The following TENM4 variants were observed in gnomAD, a reference collection of about 807,000 sequenced individuals.
The protein encoded by TENM4 is teneurin transmembrane protein 4.
TENM4 carries 82 observed loss-of-function variants against 243.3 expected under a neutral mutation model. That is an observed-to-expected ratio of 0.34 (90% confidence interval 0.28 to 0.40). The LOEUF (loss-of-function observed/expected upper bound fraction) is 0.40, where lower values mean the gene tolerates loss of function less well. TENM4 is among the 10% of genes least tolerant of loss of function. The pLI is 1.00. For missense variants in TENM4, 3,138 were observed against 3,673.3 expected (o/e 0.85, Z 3.77); for synonymous variants, 1,412 against 1,456.3 (o/e 0.97, Z 0.69).
intron 1 of TENM4, among the ~76,000 whole-genome samples, chr11:79,390,630 A>T (rs1395185437): frequency 6.6e-6 from 1 of 152,062 alleles, no homozygotes; most frequent in Non-Finnish European, 1.5e-5. Flanking sequence ...GTCCTCCTCA[A>T]CATGCTGGCA....
chr11:78,999,343 C>A (rs756903877), intron 6 of TENM4, among the ~76,000 whole-genome samples: 160 of 152,146 alleles, frequency 1.1e-3, no homozygotes, highest in Admixed American at 2.7e-3. Flanking sequence ...GAAACCCTGT[C>A]TCTACTAAAA....
intron 1 of TENM4, among the ~76,000 whole-genome samples, chr11:79,344,787 C>T (rs920254046): frequency 4.6e-5 from 7 of 152,188 alleles, no homozygotes; most frequent in Admixed American, 6.5e-5. Flanking sequence ...AAATTTTCTA[C>T]CTAAATTGCC....
chr11:79,407,115 C>T (rs987482839), intron 1 of TENM4, among the ~76,000 whole-genome samples: 9 of 152,056 alleles, frequency 5.9e-5, no homozygotes, highest in Non-Finnish European at 1.0e-4. Context: ...CATTGCTCCA[C>T]GAATATGTAT....
At chr11:78,958,988 C>T (rs1454968994) in intron 6 of TENM4, among the ~76,000 whole-genome samples, 1 of 152,192 alleles carries the variant, frequency 6.6e-6, no homozygotes, top group Non-Finnish European at 1.5e-5. Context: ...AAGGTTTTCT[C>T]CCATTTCACA....
intron 3 of TENM4, among the ~76,000 whole-genome samples, chr11:79,212,100 A>G (rs1244547206): frequency 1.3e-5 from 2 of 152,226 alleles, no homozygotes; most frequent in Non-Finnish European, 2.9e-5. Context: ...CTTGGTAGCC[A>G]TAACTCTAAT....
Position 78,745,172 on chromosome 11 carries a change from T to A in TENM4, c.2757-6602A>T, listed in dbSNP as rs573302087. 2.8e-4 allele frequency among the ~76,000 whole-genome samples: 42 copies of A among 151,846 alleles called. No individual in the cohort carries two copies. The Middle Eastern group carries it at 0.01, about 37-fold the overall frequency. ...TATACTATTACATCATAATACACAA[T>A]AATACACAACAAACCAGTGTGGGTC... On this transcript the variant is annotated intron_variant, in intron 19 of 33. Coordinates refer to ENST00000278550, the MANE Select transcript of TENM4 (RefSeq NM_001098816.3).
At chr11:78,990,954 G>C (rs1298280858) in intron 6 of TENM4, among the ~76,000 whole-genome samples, 4 of 152,176 alleles carry the variant, frequency 2.6e-5, no homozygotes, top group African/African-American at 9.7e-5. Flanking sequence ...ATAATGTTCT[G>C]CATCTGAATA....
At chr11:78,880,457 TAAAAAAAAAAAAA>T (rs71763484) in intron 9 of TENM4, among the ~76,000 whole-genome samples, 2 of 104,646 alleles carry the variant, frequency 1.9e-5, no homozygotes, top group African/African-American at 1.4e-4. Context: ...CAATAAATAC[TAAAAAAAAAAAAA>T]AAAAAAAAAA....
intron 4 of TENM4, among the ~76,000 whole-genome samples, chr11:79,101,819 A>G (rs1861239718): frequency 6.6e-6 from 1 of 152,156 alleles, no homozygotes; most frequent in African/African-American, 2.4e-5. Context: ...ACTGGGCATA[A>G]CTTTCAGCCA....
intron 2 of TENM4, among the ~76,000 whole-genome samples, chr11:79,278,220 G>A (rs949531890): frequency 6.6e-6 from 1 of 152,222 alleles, no homozygotes; most frequent in Non-Finnish European, 1.5e-5. Context: ...GGACTTAGGA[G>A]TTGGTGATGC....
At chr11:78,845,774 GA>G (rs35342651) in intron 12 of TENM4, among the ~76,000 whole-genome samples, 6 of 146,198 alleles carry the variant, frequency 4.1e-5, no homozygotes, top group Admixed American at 6.8e-5. Context: ...GCGACTGACA[GA>G]AAAAAAAAAG....
intron 2 of TENM4, among the ~76,000 whole-genome samples, chr11:79,294,550 T>C (rs377629471): frequency 6.6e-6 from 1 of 152,036 alleles, no homozygotes; most frequent in Non-Finnish European, 1.5e-5. Context: ...GCTCGTTCAG[T>C]AAGAAGCTAA....
At chr11:78,725,590 T>G (rs1417339495) in intron 23 of TENM4, among the ~76,000 whole-genome samples, 1 of 152,200 alleles carries the variant, frequency 6.6e-6, no homozygotes, top group Admixed American at 6.5e-5. Context: ...ACAATGAACC[T>G]TCTCTCCAGT....
intron 2 of TENM4, among the ~76,000 whole-genome samples, chr11:79,240,856 C>T (rs1414704982): frequency 6.6e-6 from 1 of 151,986 alleles, no homozygotes; most frequent in Non-Finnish European, 1.5e-5. Flanking sequence ...TTTTCATTTT[C>T]CCGGAAAATC....
At chr11:79,309,682 A>AT (rs1318091570) in intron 1 of TENM4, among the ~76,000 whole-genome samples, 1 of 152,222 alleles carries the variant, frequency 6.6e-6, no homozygotes, top group Non-Finnish European at 1.5e-5. Context: ...TGTGAGCCAT[A>AT]GACTTAGAGA....
chr11:79,163,933 A>ATATATATCTATATAGTACTATATATC (rs1565230561), intron 3 of TENM4, among the ~76,000 whole-genome samples: 6 of 141,424 alleles, frequency 4.2e-5, no homozygotes, highest in African/African-American at 1.3e-4. Context: ...CATATATATC[A>ATATATATCTATATAGTACTATATATC]TATATATCTA....
At chr11:78,700,233 A>G (rs894903427) in intron 28 of TENM4, among the ~76,000 whole-genome samples, 1 of 152,216 alleles carries the variant, frequency 6.6e-6, no homozygotes, top group African/African-American at 2.4e-5. Context: ...GTGCGGGGGT[A>G]GGATGCAGGG....
chr11:78,826,961 C>A (rs1259349955), intron 12 of TENM4, among the ~76,000 whole-genome samples: 6 of 152,174 alleles, frequency 3.9e-5, no homozygotes, highest in African/African-American at 1.4e-4. Flanking sequence ...CCGAGTATAC[C>A]ACCCAGGCCT....
At chr11:78,668,775 T>G (rs1858228063) in intron 32 of TENM4, among the ~76,000 whole-genome samples, 162 bp downstream of exon 32, 1 of 152,216 alleles carries the variant, frequency 6.6e-6, no homozygotes. Context: ...CAGAGTATTT[T>G]CTGAACTAGT....
Sources: allele counts gnomAD v4.1 joint callset (sites outside exome capture counted in the v4.1 genomes callset), GRCh38; gene constraint gnomAD v4.1.1; transcripts MANE v1.5; gene names NCBI Gene and HGNC (gene_info 2026-07-23, HGNC 2026-07-21).